The following CCDC102A variants were observed in gnomAD, a reference collection of about 807,000 sequenced individuals.
The protein encoded by CCDC102A is coiled-coil domain containing 102A, also known as coiled-coil domain-containing protein 102A.
In CCDC102A, 40 loss-of-function variants were observed where a neutral mutation model predicts 55.5. The ratio of observed to expected loss-of-function variants is 0.72; its 90% CI spans 0.56 to 0.94. The LOEUF (loss-of-function observed/expected upper bound fraction) is 0.94, where lower values mean the gene tolerates loss of function less well. Among genes scored for constraint, CCDC102A ranks in the 40% least tolerant of loss-of-function variants. The pLI is 0.00. For synonymous variants in CCDC102A, 323 were observed against 339.0 expected (o/e 0.95, Z 0.52); for missense variants, 779 against 768.6 (o/e 1.01, Z -0.16).
intron 3 of CCDC102A, among the ~76,000 whole-genome samples, chr16:57,524,574 C>A (rs2032102496): frequency 1.7e-5 from 2 of 117,318 alleles, no homozygotes; most frequent in African/African-American, 4.2e-5. Flanking sequence ...GAGGCTCTGT[C>A]TAAAAAAAAT....
At chr16:57,523,628 ACAGC>A (rs1373916880) in intron 3 of CCDC102A, among the ~76,000 whole-genome samples, 1 of 151,560 alleles carries the variant, frequency 6.6e-6, no homozygotes, top group Non-Finnish European at 1.5e-5. Context: ...CTACAGTGGC[ACAGC>A]CCCGTTCCCA....
At chr16:57,527,948 T>C (rs1230443439) in intron 2 of CCDC102A, among the ~76,000 whole-genome samples, 1 of 152,108 alleles carries the variant, frequency 6.6e-6, no homozygotes, top group Non-Finnish European at 1.5e-5. Context: ...CTTCGGGCAC[T>C]TTTTTTCTTA....
At position 57,526,027 on chromosome 16, in the gene CCDC102A, G is replaced by C; in HGVS notation, c.686C>G (p.Ser229Ter). 1.2e-6 allele frequency: 2 copies of C among 1,601,090 alleles called. No homozygotes were observed. Among genetic ancestry groups the C allele is most frequent in the Non-Finnish European group, 1.7e-6 (2 of 1,175,340 alleles). Residue 229 changes from serine (S) to a stop codon, truncating the protein, a stop_gained, in exon 3 of 9, where the codon TCA (serine) becomes TGA (stop). Coordinates refer to ENST00000258214, the MANE Select transcript of CCDC102A (RefSeq NM_033212.4). LOFTEE classifies it high-confidence loss of function. Reference protein sequence around the residue: ...SLGAGGPRGSSGRQERSRLPW... With the variant: ...SLGAGGPRGS ...TAGCCGGCTGCGCTCCTGGCGGCCT[G>C]AGCTGCCCCGCGGGCCCCCAGCCCC...
intron 2 of CCDC102A, among the ~76,000 whole-genome samples, chr16:57,527,952 T>C (rs2032170188): frequency 6.6e-6 from 1 of 152,204 alleles, no homozygotes; most frequent in Admixed American, 6.5e-5. Flanking sequence ...GGGCACTTTT[T>C]TTCTTAATTT....
chr16:57,517,071 C>A (rs2031968084), intron 6 of CCDC102A, among the ~76,000 whole-genome samples: 2 of 152,120 alleles, frequency 1.3e-5, no homozygotes, highest in African/African-American at 4.8e-5. Flanking sequence ...GGAATGTCAA[C>A]AGCTTCCCCC....
rs1350491855 is a variant in CCDC102A at position 57,529,276 on chromosome 16, C to T, written c.-99G>A. On this transcript the variant is annotated 5_prime_UTR_variant, in exon 2 of 9. Coordinates refer to ENST00000258214, the MANE Select transcript of CCDC102A (RefSeq NM_033212.4). This position sits in a 1 kb window ranked among gnomAD's most constrained non-coding sequence, Gnocchi z 4.1. ...GCGATACAACTGTGCATGATGACGC[C>T]GTGCCCCGCTTCCCTCTGGGCCACC... 8 of 1,117,188 alleles carry T rather than the reference C, an allele frequency of 7.2e-6. No homozygotes were observed. The African/African-American group carries it at 8.4e-5, about 12-fold the overall frequency. The allele number at this position is 1,117,188 out of a possible 1,614,324, so 69.2% of individuals were successfully genotyped here.
Position 57,528,626 on chromosome 16 carries a change from A to G in CCDC102A, c.552T>C (p.Arg184=). 1 of 1,276,016 alleles carries G rather than the reference A, an allele frequency of 7.8e-7. No individual in the cohort carries two copies. Among genetic ancestry groups the G allele is most frequent in the Non-Finnish European group, 1.0e-6 (1 of 1,003,980 alleles). The allele number at this position is 1,276,016 out of a possible 1,614,324, so 79.0% of individuals were successfully genotyped here. A position where few individuals can be genotyped will look rare whatever the true frequency, so the allele number is the denominator to read the frequency against. ...PEPEAEREPV[R]DVGSERPPGS... is the part of the protein sequence containing the mutation. ...CTGGCGGCCTCTCGGACCCGACGTCACGCACTGGCTCGCGCTCCGCTTCCG... is the reference window on the plus strand; with the variant it reads ...CTGGCGGCCTCTCGGACCCGACGTCGCGCACTGGCTCGCGCTCCGCTTCCG... The change falls in exon 2 of 9, where the codon CGT becomes CGC. Residue 184 remains arginine, a synonymous_variant. Coordinates refer to ENST00000258214, the MANE Select transcript of CCDC102A (RefSeq NM_033212.4).
intron 2 of CCDC102A, among the ~76,000 whole-genome samples, chr16:57,527,651 C>G (rs1181024895): frequency 6.6e-6 from 1 of 152,136 alleles, no homozygotes; most frequent in Non-Finnish European, 1.5e-5. Flanking sequence ...AACTCTTAAC[C>G]TCAGGTGATC....
Position 57,512,516 on chromosome 16 carries a change from G to A in CCDC102A, c.*225C>T, listed in dbSNP as rs1195056555. On this transcript the variant is annotated 3_prime_UTR_variant, in exon 9 of 9. Coordinates refer to ENST00000258214, the MANE Select transcript of CCDC102A (RefSeq NM_033212.4). ...TGGGTCCAAAGACTTCTGGGTGTGC[G>A]CGCGCGCGCGCGCGTGTGTGTATAT... is the stretch of plus-strand genomic sequence containing the variant. 13 of 448,842 alleles carry A rather than the reference G, an allele frequency of 2.9e-5. No individual in the cohort carries two copies. Among genetic ancestry groups the A allele is most frequent in the East Asian group, 6.9e-5 (2 of 29,172 alleles). The allele number at this position is 448,842 out of a possible 1,614,324, so 27.8% of individuals were successfully genotyped here.
chr16:57,520,449 G>C (rs2032024479), intron 4 of CCDC102A, among the ~76,000 whole-genome samples: 1 of 151,890 alleles, frequency 6.6e-6, no homozygotes, highest in Non-Finnish European at 1.5e-5. Flanking sequence ...CCTGGTGACT[G>C]TCGGTCTCCC....
chr16:57,512,410 T>C lies in CCDC102A; in HGVS notation c.*331A>G, dbSNP rs1933784667. The C allele has an allele frequency of 5.0e-6, 2 of 400,466 alleles. No individual in the cohort carries two copies. Among genetic ancestry groups the C allele is most frequent in the East Asian group, 7.1e-5 (2 of 28,094 alleles). 24.8% of individuals were successfully genotyped at this position (400,466 alleles called of 1,614,324 possible). A position where few individuals can be genotyped will look rare whatever the true frequency, so the allele number is the denominator to read the frequency against. On this transcript the variant is annotated 3_prime_UTR_variant, in exon 9 of 9. Coordinates refer to ENST00000258214, the MANE Select transcript of CCDC102A (RefSeq NM_033212.4). ...GGGGCTCCAACAACTGCCCCCAACA[T>C]GCCCAGCCCTGCATGAAGTCCTGGG...
chr16:57,524,320 G>A (rs1331576387), intron 3 of CCDC102A, among the ~76,000 whole-genome samples: 1 of 151,872 alleles, frequency 6.6e-6, no homozygotes, highest in Admixed American at 6.6e-5. Flanking sequence ...AGAGGTACTT[G>A]TCCGGGGATG....
At position 57,512,408 on chromosome 16, in the gene CCDC102A, C is replaced by T; in HGVS notation, c.*333G>A. On this transcript the variant is annotated 3_prime_UTR_variant, in exon 9 of 9. Transcript: ENST00000258214. ...GTGGGGCTCCAACAACTGCCCCCAA[C>T]ATGCCCAGCCCTGCATGAAGTCCTG... 2.5e-6 allele frequency: 1 copy of T among 400,540 alleles called. No individual in the cohort carries two copies. The highest frequency in any genetic ancestry group is 3.6e-5 in the East Asian group (1 of 28,096). The allele number at this position is 400,540 out of a possible 1,614,324, so 24.8% of individuals were successfully genotyped here.
At chr16:57,514,669 T>A (rs755769728) in intron 8 of CCDC102A, among the ~76,000 whole-genome samples, 1 of 152,172 alleles carries the variant, frequency 6.6e-6, no homozygotes, top group African/African-American at 2.4e-5. Flanking sequence ...ATTCAGGCAG[T>A]CTGGCTGCAG....
rs1598076085 is a variant in CCDC102A at position 57,526,052 on chromosome 16, C to T, written c.661G>A (p.Gly221Arg). The change falls in exon 3 of 9, where the codon GGG becomes AGG. Residue 221 changes from glycine to arginine, a missense_variant. Coordinates refer to ENST00000258214, the MANE Select transcript of CCDC102A (RefSeq NM_033212.4). ...SEDCWEARSL[G>R]AGGPRGSSGR... is the part of the protein sequence containing the mutation. ...GAGCTGCCCCGCGGGCCCCCAGCCCCCAGGCTGCGCGCCTCCCAGCAGTCC... is the reference window on the plus strand; with the variant it reads ...GAGCTGCCCCGCGGGCCCCCAGCCCTCAGGCTGCGCGCCTCCCAGCAGTCC... The T allele has an allele frequency of 6.3e-7, 1 of 1,592,620 alleles. No individual in the cohort carries two copies.
rs895831483 is a variant in CCDC102A at position 57,514,219 on chromosome 16, C to T, written c.1523+1122G>A. ...GTTTTCTTTCTTTTTTTCTTAGAGA[C>T]GGGATCTCACTTTGTCTCCCAGGCT... is the stretch of plus-strand genomic sequence containing the variant. On this transcript the variant is annotated intron_variant, in intron 8 of 8. Transcript: ENST00000258214. Among the ~76,000 whole-genome samples the T allele has an allele frequency of 7.2e-5, 11 of 152,078 alleles. No individual in the cohort carries two copies. The East Asian group carries it at 1.2e-3, about 16-fold the overall frequency.
At position 57,529,155 on chromosome 16, in the gene CCDC102A, C is replaced by T. The variant is rs1692456195; in HGVS notation, c.23G>A (p.Arg8Gln). ...GGACAGCTGCGGGGACTCGGCCAGC[C>T]GGGGGCTGGGCCCGTGGCTCATGGT... is the stretch of plus-strand genomic sequence containing the variant. MSHGPSPRLAESPQLSKG... is the reference protein window; with the variant it reads MSHGPSPQLAESPQLSKG... Residue 8 changes from arginine (R) to glutamine (Q), a missense_variant, in exon 2 of 9, where the codon CGG becomes CAG. By Grantham distance (43) the Arg-to-Gln change is conservative (BLOSUM62 1). Coordinates refer to ENST00000258214, the MANE Select transcript of CCDC102A (RefSeq NM_033212.4). This position sits in a 1 kb window ranked among gnomAD's most constrained non-coding sequence, Gnocchi z 4.1. 2 of 1,184,382 alleles carry T rather than the reference C, an allele frequency of 1.7e-6. No homozygotes were observed. Among genetic ancestry groups the T allele is most frequent in the Non-Finnish European group, 1.0e-6 (1 of 957,084 alleles). The allele number at this position is 1,184,382 out of a possible 1,614,324, so 73.4% of individuals were successfully genotyped here.
At position 57,528,695 on chromosome 16, in the gene CCDC102A, C is replaced by T. The variant is rs1246663045; in HGVS notation, c.483G>A (p.Arg161=). Residue 161 remains arginine (R), a synonymous_variant, in exon 2 of 9, where the codon AGG becomes AGA. Transcript: ENST00000258214. The part of the protein sequence containing the change: ...EARGRELARL[R]GARGVADQTR... Reference sequence around the variant, plus strand: ...TCTGGTCGGCGACCCCCCGGGCGCCCCTCAGCCGCGCCAGCTCGCGGCCCC... The same window carrying T: ...TCTGGTCGGCGACCCCCCGGGCGCCTCTCAGCCGCGCCAGCTCGCGGCCCC... 8.9e-7 allele frequency: 1 copy of T among 1,124,278 alleles called. No homozygotes were observed. Among genetic ancestry groups the T allele is most frequent in the Non-Finnish European group, 1.1e-6 (1 of 914,852 alleles). The allele number at this position is 1,124,278 out of a possible 1,614,324, so 69.6% of individuals were successfully genotyped here. A position where few individuals can be genotyped will look rare whatever the true frequency, so the allele number is the denominator to read the frequency against.
At position 57,521,165 on chromosome 16, in the gene CCDC102A, G is replaced by T; in HGVS notation, c.824C>A (p.Ala275Glu). 6.2e-7 allele frequency: 1 copy of T among 1,612,054 alleles called. No homozygotes were observed. ...VLLKEREDKL[A>E]LSRNIEKLEG... Reference sequence around the variant, plus strand: ...TAGCTTCTCAATGTTCCTGCTCAACGCCAGTTTATCCCTGGGGAAGGGACA... The same window carrying T: ...TAGCTTCTCAATGTTCCTGCTCAACTCCAGTTTATCCCTGGGGAAGGGACA... Residue 275 changes from alanine (A) to glutamate (E), a missense_variant, in exon 4 of 9, where the codon GCG (alanine) becomes GAG (glutamate). By Grantham distance (107) the Ala-to-Glu change is moderately radical (BLOSUM62 -1). Coordinates refer to ENST00000258214, the MANE Select transcript of CCDC102A (RefSeq NM_033212.4).
Sources: allele counts gnomAD v4.1 joint callset (sites outside exome capture counted in the v4.1 genomes callset), GRCh38; gene constraint gnomAD v4.1.1; non-coding constraint Gnocchi (gnomAD v3.1); transcripts MANE v1.5; gene names NCBI Gene and HGNC (gene_info 2026-07-23, HGNC 2026-07-21).